FARS2: variants seen among roughly 807,000 people sequenced by gnomAD.
FARS2 encodes phenylalanyl-tRNA synthetase 2, mitochondrial, also known as phenylalanine--tRNA ligase, mitochondrial.
A neutral mutation model predicts 46.4 loss-of-function variants in FARS2; 40 were observed. That is an observed-to-expected ratio of 0.86 (90% CI 0.67 to 1.12). The LOEUF is 1.12. Ranked by LOEUF, FARS2 falls within the 50% of genes most tolerant of loss-of-function variation. The pLI is 0.00. For missense variants in FARS2, 513 were observed against 567.9 expected (o/e 0.90, Z 0.98); for synonymous variants, 234 against 214.9 (o/e 1.09, Z -0.78).
intron 4 of FARS2, among the ~76,000 whole-genome samples, chr6:5,450,462 C>CTCCCCCATGCCGTTGTAG (rs1764421380): frequency 1.3e-5 from 2 of 151,710 alleles, no homozygotes; most frequent in Non-Finnish European, 2.9e-5. Flanking sequence ...CCTGCTCCAG[C>CTCCCCCATGCCGTTGTAG]TCCCCCATGC....
chr6:5,347,655 T>G (rs1175449595), intron 1 of FARS2, among the ~76,000 whole-genome samples: 1 of 152,216 alleles, frequency 6.6e-6, no homozygotes, highest in African/African-American at 2.4e-5. Flanking sequence ...GTATTTTTTC[T>G]TGGTTAAATA....
chr6:5,711,291 G>GACGA (rs1554128171), intron 6 of FARS2, among the ~76,000 whole-genome samples: 1 of 151,266 alleles, frequency 6.6e-6, no homozygotes, highest in Non-Finnish European at 1.5e-5. Context: ...ATGCGGGATG[G>GACGA]ATGAATGAAT....
chr6:5,341,404 G>A (rs1249063770), intron 1 of FARS2, among the ~76,000 whole-genome samples: 2 of 148,566 alleles, frequency 1.3e-5, no homozygotes, highest in African/African-American at 4.9e-5. Context: ...GCCCCTAATC[G>A]TCTATGTATT....
intron 4 of FARS2, among the ~76,000 whole-genome samples, chr6:5,444,167 CT>C (rs1273976669): frequency 1.3e-5 from 2 of 151,274 alleles, no homozygotes; most frequent in Non-Finnish European, 2.9e-5. Flanking sequence ...GCAATATAAT[CT>C]TTTTAAAATT....
intron 4 of FARS2, among the ~76,000 whole-genome samples, chr6:5,490,933 C>G (rs1238222213): frequency 1.3e-5 from 2 of 152,194 alleles, no homozygotes; most frequent in Non-Finnish European, 2.9e-5. Flanking sequence ...ACCTGGAAAG[C>G]TACTCAAGTA....
chr6:5,599,773 A>G (rs1251206045), intron 5 of FARS2, among the ~76,000 whole-genome samples: 1 of 152,228 alleles, frequency 6.6e-6, no homozygotes, highest in African/African-American at 2.4e-5. Context: ...AGATGTTCAA[A>G]GGCAGTGAAA....
At chr6:5,324,749 CT>C in intron 1 of FARS2, among the ~76,000 whole-genome samples, 1 of 141,016 alleles carries the variant, frequency 7.1e-6, no homozygotes, top group South Asian at 2.3e-4. Flanking sequence ...GGACTGAAGC[CT>C]TTCCGGGCTT....
intron 4 of FARS2, among the ~76,000 whole-genome samples, chr6:5,516,384 C>G (rs1768796122): frequency 6.6e-6 from 1 of 152,134 alleles, no homozygotes; most frequent in Non-Finnish European, 1.5e-5. Context: ...GCAACAACAA[C>G]CAAAAGGGTT....
At chr6:5,701,265 C>G (rs1758418747) in intron 6 of FARS2, among the ~76,000 whole-genome samples, 1 of 152,238 alleles carries the variant, frequency 6.6e-6, no homozygotes, top group African/African-American at 2.4e-5. Flanking sequence ...CACATCTCTG[C>G]AAAGGCTGTT....
At chr6:5,563,071 C>T (rs531136577) in intron 5 of FARS2, among the ~76,000 whole-genome samples, 28 of 146,872 alleles carry the variant, frequency 1.9e-4, no homozygotes, top group Non-Finnish European at 3.1e-4. Flanking sequence ...GAAGCTCCCC[C>T]GTACAGAGAC....
chr6:5,355,368 C>CTTTTTTT (rs200590190), intron 1 of FARS2, among the ~76,000 whole-genome samples: 2 of 142,444 alleles, frequency 1.4e-5, no homozygotes, highest in Admixed American at 7.0e-5. Flanking sequence ...TTAGGTTTTC[C>CTTTTTTT]TTTTTGTTTT....
chr6:5,525,351 C>T (rs774212667), intron 4 of FARS2, among the ~76,000 whole-genome samples: 23 of 152,166 alleles, frequency 1.5e-4, no homozygotes, highest in Non-Finnish European at 2.2e-4. Context: ...GTAGCATTGC[C>T]GACTGTTGCA....
intron 5 of FARS2, among the ~76,000 whole-genome samples, chr6:5,587,297 A>G (rs980988154): frequency 6.6e-6 from 1 of 152,240 alleles, no homozygotes; most frequent in African/African-American, 2.4e-5. Context: ...TTGAAGTGTT[A>G]GAGTCACCGT....
rs187173361 is a variant in FARS2, at chr6:5,343,991, C to T, written c.-21-24559C>T. Among the ~76,000 whole-genome samples the T allele has an allele frequency of 2.1e-4, 32 of 152,302 alleles. No homozygotes were observed. The Middle Eastern group carries it at 0.014, about 65-fold the overall frequency. ...AGGTGTCCTCTGTCTTTGCTGTGAG[C>T]GGCGTGACAGCTGTGCCTTCCGTGC... On this transcript the variant is annotated intron_variant, in intron 1 of 6. Coordinates refer to ENST00000274680, the MANE Select transcript of FARS2 (RefSeq NM_006567.5). This position sits in a 1 kb window ranked among gnomAD's most constrained non-coding sequence, Gnocchi z 4.5.
intron 2 of FARS2, among the ~76,000 whole-genome samples, chr6:5,399,139 A>G (rs946103604): frequency 1.1e-5 from 1 of 92,008 alleles, no homozygotes; most frequent in Non-Finnish European, 2.1e-5. Flanking sequence ...TATTATTATT[A>G]TTATTATTAT....
chr6:5,523,726 T>C (rs1318100296), intron 4 of FARS2, among the ~76,000 whole-genome samples: 1 of 152,222 alleles, frequency 6.6e-6, no homozygotes, highest in Non-Finnish European at 1.5e-5. Context: ...ACACTTTCTG[T>C]GTGTGCCTGT....
rs553977977 is a variant in FARS2 at position 5,594,764 on chromosome 6, A to G, written c.1066-18405A>G. On this transcript the variant is annotated intron_variant, in intron 5 of 6. Transcript: ENST00000274680. ...CAGAGGAGGGACCCGTGGGGCTGGG[A>G]CCCACCTCCAAGGACAGGGGCTGTG... 3.6e-3 allele frequency among the ~76,000 whole-genome samples: 549 copies of G among 152,250 alleles called. 6 individuals carry two copies. Among genetic ancestry groups the G allele is most frequent in the Non-Finnish European group, 2.4e-3 (162 of 68,006 alleles).
chr6:5,330,349 T>G lies in FARS2; in HGVS notation c.-21-38201T>G, dbSNP rs547833280. Among the ~76,000 whole-genome samples the G allele has an allele frequency of 1.9e-4, 29 of 152,358 alleles. No individual in the cohort carries two copies. The South Asian group carries it at 5.8e-3, about 30-fold the overall frequency. Reference sequence around the variant, plus strand: ...CCTTTCTTTGAACATCTCTGAGACCTACTTCGCCATGTAGGTGTAGCGTAT... The same window carrying G: ...CCTTTCTTTGAACATCTCTGAGACCGACTTCGCCATGTAGGTGTAGCGTAT... On this transcript the variant is annotated intron_variant, in intron 1 of 6. Transcript: ENST00000274680.
intron 1 of FARS2, among the ~76,000 whole-genome samples, chr6:5,346,087 G>C (rs759702910): frequency 6.6e-6 from 1 of 152,190 alleles, no homozygotes; most frequent in Admixed American, 6.5e-5. Context: ...TATCAGGGAC[G>C]TGCAGTCACC....
Sources: gnomAD v4.1 joint callset for allele counts (sites outside exome capture counted in the v4.1 genomes callset) on GRCh38, gnomAD v4.1.1 for gene constraint, Gnocchi (gnomAD v3.1) non-coding constraint, MANE v1.5 for transcripts, NCBI Gene and HGNC (gene_info 2026-07-23, HGNC 2026-07-21) for gene names.